The following ADAMTSL1 variants were observed in gnomAD, a reference collection of about 807,000 sequenced individuals.
ADAMTSL1 encodes ADAMTS-like protein 1.
Under a neutral mutation model 201.8 loss-of-function variants are expected in ADAMTSL1, and 126 were observed. The observed-to-expected ratio is 0.62, with a 90% CI of 0.54 to 0.72. ADAMTSL1 has a LOEUF of 0.72. ADAMTSL1 is among the 30% of genes least tolerant of loss of function. The pLI is 0.00. For synonymous variants in ADAMTSL1, 1,121 were observed against 903.4 expected (o/e 1.24, Z -4.32); for missense variants, 2,679 against 2,277.8 (o/e 1.18, Z -3.59).
At chr9:18,290,509 GC>G (rs981775027) in intron 2 of ADAMTSL1, among the ~76,000 whole-genome samples, 2 of 152,052 alleles carry the variant, frequency 1.3e-5, no homozygotes, top group Admixed American at 1.3e-4. Flanking sequence ...CATGGTAGAG[GC>G]TTGGGATAGG....
At position 18,060,124 on chromosome 9, in the gene ADAMTSL1, T is replaced by G. The variant is rs574831242; in HGVS notation, c.88-103738T>G. ...GAGTTGGTTTATTCTTGTGCTTGCT[T>G]ACACATACACACACATTCCACATAT... On this transcript the variant is annotated intron_variant, in intron 1 of 29. Coordinates refer to the ADAMTSL1 transcript ENST00000680146. Among the ~76,000 whole-genome samples, 16 of 152,294 alleles carry G rather than the reference T, an allele frequency of 1.1e-4. No homozygotes were observed. In the South Asian group the frequency reaches 2.5e-3, roughly 24 times the overall value.
At chr9:18,869,402 C>G (rs1367966369) in intron 23 of ADAMTSL1, among the ~76,000 whole-genome samples, 2 of 152,244 alleles carry the variant, frequency 1.3e-5, no homozygotes, top group Non-Finnish European at 2.9e-5. Flanking sequence ...CTCACCTAGT[C>G]TGTTTCCTTT....
At chr9:18,703,208 G>A (rs546624321) in intron 13 of ADAMTSL1, among the ~76,000 whole-genome samples, 8 of 152,148 alleles carry the variant, frequency 5.3e-5, no homozygotes, top group Non-Finnish European at 1.0e-4. Flanking sequence ...AGTGCTGTTC[G>A]AGATGAGACT....
At chr9:18,562,349 A>T (rs1415333411) in intron 3 of ADAMTSL1, among the ~76,000 whole-genome samples, 1 of 151,782 alleles carries the variant, frequency 6.6e-6, no homozygotes, top group Non-Finnish European at 1.5e-5. Flanking sequence ...ATTGGCCCCC[A>T]CTCTCTTCTG....
intron 17 of ADAMTSL1, among the ~76,000 whole-genome samples, chr9:18,773,432 C>G (rs954377047): frequency 2.0e-5 from 3 of 152,066 alleles, no homozygotes; most frequent in African/African-American, 7.2e-5. Flanking sequence ...AATTTTAGAG[C>G]TAGAAGGAGC....
chr9:18,527,365 T>C (rs960507645), intron 2 of ADAMTSL1, among the ~76,000 whole-genome samples: 3 of 152,186 alleles, frequency 2.0e-5, no homozygotes, highest in Non-Finnish European at 4.4e-5. Flanking sequence ...CCAGATTTTC[T>C]TGAAACAATG....
intron 1 of ADAMTSL1, among the ~76,000 whole-genome samples, chr9:18,088,314 A>G (rs1326996591): frequency 6.6e-6 from 1 of 152,224 alleles, no homozygotes; most frequent in Non-Finnish European, 1.5e-5. Context: ...CATAGAGGAA[A>G]GTCTTCATAA....
chr9:18,506,226 C>T (rs1433572065), intron 2 of ADAMTSL1, among the ~76,000 whole-genome samples: 1 of 152,214 alleles, frequency 6.6e-6, no homozygotes, highest in Non-Finnish European at 1.5e-5. Flanking sequence ...CCTTATGATT[C>T]ACCTGCTCTC....
intron 19 of ADAMTSL1, among the ~76,000 whole-genome samples, chr9:18,780,025 G>A (rs1193647706): frequency 6.6e-6 from 1 of 152,208 alleles, no homozygotes; most frequent in Non-Finnish European, 1.5e-5. Context: ...GCAATGGGAA[G>A]GGGTCATCAG....
chr9:18,607,038 C>A (rs1825064334), intron 4 of ADAMTSL1, among the ~76,000 whole-genome samples: 1 of 152,124 alleles, frequency 6.6e-6, no homozygotes, highest in South Asian at 2.1e-4. Flanking sequence ...AACCAGCCAA[C>A]AATGAGCAAT....
rs147151053 is a variant in ADAMTSL1 at position 18,221,440 on chromosome 9, C to A, written c.207+57459C>A. 6.8e-3 allele frequency among the ~76,000 whole-genome samples: 1,041 copies of A among 152,256 alleles called. 15 individuals are homozygous for A. The highest frequency in any genetic ancestry group is 0.024 in the African/African-American group (1,001 of 41,564). On this transcript the variant is annotated intron_variant, in intron 2 of 29. Coordinates refer to the ADAMTSL1 transcript ENST00000680146. ...ATGCCTGAGTTGTGTGTTGAAACAT[C>A]TTATTTATCCTTCACATCTTTTAGC... is the stretch of plus-strand genomic sequence containing the variant.
chr9:18,264,144 G>C (rs1209312894), intron 2 of ADAMTSL1, among the ~76,000 whole-genome samples: 1 of 151,982 alleles, frequency 6.6e-6, no homozygotes, highest in Non-Finnish European at 1.5e-5. Flanking sequence ...TTTGGTCATT[G>C]TCTATTCCTC....
At chr9:18,001,183 T>G (rs185944252) in intron 1 of ADAMTSL1, among the ~76,000 whole-genome samples, 1 of 151,458 alleles carries the variant, frequency 6.6e-6, no homozygotes, top group East Asian at 2.0e-4. Flanking sequence ...TAACATTTAC[T>G]AAAAGGAAAA....
chr9:18,475,919 A>G (rs1338743323), intron 1 of ADAMTSL1, among the ~76,000 whole-genome samples: 2 of 152,128 alleles, frequency 1.3e-5, no homozygotes, highest in African/African-American at 4.8e-5. Flanking sequence ...TAAACGCATT[A>G]TATCCCTCTG....
intron 2 of ADAMTSL1, among the ~76,000 whole-genome samples, chr9:18,324,823 A>G (rs1834765667): frequency 1.3e-5 from 2 of 152,078 alleles, no homozygotes; most frequent in Admixed American, 6.6e-5. Context: ...AAAAGACACC[A>G]TTATGAAAAT....
chr9:18,645,034 T>A (rs1397262305), intron 7 of ADAMTSL1, among the ~76,000 whole-genome samples: 1 of 152,150 alleles, frequency 6.6e-6, no homozygotes, highest in African/African-American at 2.4e-5. Flanking sequence ...TTTCTCCACA[T>A]CTTCTCCAGC....
chr9:18,847,409 C>G (rs1337765378), intron 23 of ADAMTSL1, among the ~76,000 whole-genome samples: 3 of 152,170 alleles, frequency 2.0e-5, no homozygotes, highest in Admixed American at 6.5e-5. Context: ...ACAAAAGTCC[C>G]TCCTCTCATA....
chr9:18,689,884 T>C (rs1392798312), intron 13 of ADAMTSL1, among the ~76,000 whole-genome samples: 1 of 152,264 alleles, frequency 6.6e-6, no homozygotes, highest in African/African-American at 2.4e-5. Context: ...AGTTATCTTA[T>C]TAGATTTTCA....
intron 2 of ADAMTSL1, among the ~76,000 whole-genome samples, chr9:18,223,292 C>T (rs1482158925): frequency 1.3e-5 from 2 of 151,898 alleles, no homozygotes; most frequent in Non-Finnish European, 2.9e-5. Context: ...TTGAAATGAT[C>T]GATCATTAAG....
Sources: gnomAD v4.1 joint callset for allele counts (sites outside exome capture counted in the v4.1 genomes callset) on GRCh38, gnomAD v4.1.1 for gene constraint, MANE v1.5 for transcripts, NCBI Gene and HGNC (gene_info 2026-07-23, HGNC 2026-07-21) for gene names.